EXOC6: variants seen among roughly 807,000 people sequenced by gnomAD.
The protein encoded by EXOC6 is exocyst complex component 6.
Under a neutral mutation model 112.5 loss-of-function variants are expected in EXOC6, and 60 were observed. The observed-to-expected ratio is 0.53, with a 90% confidence interval of 0.43 to 0.66. The LOEUF (loss-of-function observed/expected upper bound fraction) is 0.66. Ranked by LOEUF, EXOC6 falls within the 30% of genes least tolerant of loss-of-function variation. The probability of loss-of-function intolerance (pLI) is 0.00; values close to 1 mark genes in which losing one functional copy is unlikely to be tolerated. For synonymous variants in EXOC6, 295 were observed against 308.0 expected, an observed-to-expected ratio of 0.96 and a Z score of 0.44; for missense variants, 855 against 957.1, an observed-to-expected ratio of 0.89 and a Z score of 1.41.
At position 92,909,408 on chromosome 10, in the gene EXOC6, CT is replaced by C; in HGVS notation, c.459-13del. The C allele has an allele frequency of 6.5e-7, 1 of 1,543,660 alleles. No homozygotes were observed. The highest frequency in any genetic ancestry group is 8.8e-7 in the Non-Finnish European group (1 of 1,141,766). Reference sequence around the variant, plus strand: ...TGATAAGAACTTTTTATAGAGTTTTCTTTTTTAACTTCTCACAGGTACTATT... The same window carrying C: ...TGATAAGAACTTTTTATAGAGTTTTCTTTTTAACTTCTCACAGGTACTATT... On this transcript the variant is annotated intron_variant, in intron 5 of 21. Coordinates refer to ENST00000260762, the MANE Select transcript of EXOC6 (RefSeq NM_019053.6).
intron 1 of EXOC6, among the ~76,000 whole-genome samples, chr10:92,867,655 G>T (rs963252683): frequency 2.0e-5 from 3 of 152,094 alleles, no homozygotes; most frequent in African/African-American, 7.2e-5. Flanking sequence ...AATGTAAAAT[G>T]AATATGTGCC....
chr10:93,044,231 C>T (rs377368817), intron 20 of EXOC6, among the ~76,000 whole-genome samples: 1 of 152,046 alleles, frequency 6.6e-6, no homozygotes. Context: ...AATTATTATA[C>T]GTGACAAAAG....
At position 92,977,033 on chromosome 10, in the gene EXOC6, A is replaced by G. The variant is rs190626241; in HGVS notation, c.1953+2801A>G. On this transcript the variant is annotated intron_variant, in intron 18 of 21. Transcript: ENST00000260762. ...AAAAAAATAGGAAGAAATTTTATCA[A>G]CCTTTTTATCTTATGATACGATATA... is the stretch of plus-strand genomic sequence containing the variant. Among the ~76,000 whole-genome samples the G allele has an allele frequency of 2.5e-3, 384 of 152,314 alleles. 2 individuals carry two copies. The highest frequency in any genetic ancestry group is 7.4e-3 in the African/African-American group (309 of 41,570).
intron 19 of EXOC6, among the ~76,000 whole-genome samples, chr10:93,010,899 G>A (rs989902845): frequency 1.3e-4 from 20 of 151,982 alleles, no homozygotes; most frequent in African/African-American, 4.4e-4. Context: ...AGTATAAAGT[G>A]CTATATAAAT....
intron 6 of EXOC6, among the ~76,000 whole-genome samples, chr10:92,915,477 A>G (rs1851027651): frequency 6.7e-6 from 1 of 148,764 alleles, no homozygotes; most frequent in Admixed American, 6.9e-5. Flanking sequence ...CTGAGGTAGG[A>G]GGATCACTGC....
chr10:92,980,476 T>C (rs892626403), intron 18 of EXOC6, among the ~76,000 whole-genome samples: 2 of 152,234 alleles, frequency 1.3e-5, no homozygotes, highest in East Asian at 3.8e-4. Flanking sequence ...TTAGTTTCAT[T>C]GTGTAATGAA....
At chr10:92,837,168 C>A (rs1250984191) in intron 1 of EXOC6, among the ~76,000 whole-genome samples, 5 of 151,136 alleles carry the variant, frequency 3.3e-5, no homozygotes, top group South Asian at 2.1e-4. Flanking sequence ...TTCTTTGAAG[C>A]CTCTCCTATC....
intron 1 of EXOC6, among the ~76,000 whole-genome samples, chr10:92,851,563 T>G (rs1434416757): frequency 1.3e-5 from 2 of 151,836 alleles, no homozygotes; most frequent in African/African-American, 4.8e-5. Context: ...GGCAGGAGAA[T>G]CGCTTGAATC....
At chr10:92,914,193 T>C (rs1281206468) in intron 6 of EXOC6, among the ~76,000 whole-genome samples, 4 of 152,132 alleles carry the variant, frequency 2.6e-5, no homozygotes, top group Non-Finnish European at 4.4e-5. Flanking sequence ...GCAAACTCTA[T>C]TGTGAACTGT....
intron 20 of EXOC6, among the ~76,000 whole-genome samples, chr10:93,055,369 A>G (rs1421327910): frequency 6.6e-6 from 1 of 152,250 alleles, no homozygotes; most frequent in Non-Finnish European, 1.5e-5. Context: ...TTTTGATAAC[A>G]CAAATAACAT....
chr10:92,985,482 C>G (rs1842967978), intron 18 of EXOC6, among the ~76,000 whole-genome samples: 1 of 152,014 alleles, frequency 6.6e-6, no homozygotes, highest in South Asian at 2.1e-4. Context: ...ACATTTTATT[C>G]TTTTTTGAAG....
chr10:92,845,602 ACCC>A (rs1220724648), upstream of EXOC6, among the ~76,000 whole-genome samples: 1 of 149,684 alleles, frequency 6.7e-6, no homozygotes, highest in Non-Finnish European at 1.5e-5. Flanking sequence ...GGCTTCCCCC[ACCC>A]CACATTGACA....
intron 20 of EXOC6, among the ~76,000 whole-genome samples, chr10:93,028,522 T>TAGAGGTCTG (rs1245286730): frequency 6.6e-6 from 1 of 152,028 alleles, no homozygotes; most frequent in Admixed American, 6.5e-5. Context: ...CTACCCCTGG[T>TAGAGGTCTG]GAAGAGGCTG....
chr10:92,926,538 A>T (rs951759454), intron 8 of EXOC6, among the ~76,000 whole-genome samples: 1 of 151,748 alleles, frequency 6.6e-6, no homozygotes, highest in African/African-American at 2.4e-5. Context: ...TAAAAAAAAA[A>T]AGAAAGAAAA....
intron 2 of EXOC6, 90 bp from the exon 3 acceptor site, chr10:92,894,704 A>AT: frequency 1.0e-6 from 1 of 983,256 alleles, no homozygotes; most frequent in South Asian, 1.5e-5. Flanking sequence ...TAAGTTTCTC[A>AT]TGAAGCATGA....
At chr10:92,872,820 G>A (rs969209887) in intron 1 of EXOC6, among the ~76,000 whole-genome samples, 5 of 152,084 alleles carry the variant, frequency 3.3e-5, no homozygotes, top group African/African-American at 7.2e-5. Flanking sequence ...TGATTGAGTA[G>A]TATTCTTTTT....
chr10:92,910,883 C>T lies in EXOC6; in HGVS notation c.663+1252C>T, dbSNP rs1036416810. Among the ~76,000 whole-genome samples, 11 of 79,682 alleles carry T rather than the reference C, an allele frequency of 1.4e-4. No individual in the cohort carries two copies. The South Asian group carries it at 2.5e-3, about 18-fold the overall frequency. 52.3% of individuals were successfully genotyped at this position (79,682 alleles called of 152,430 possible). On this transcript the variant is annotated intron_variant, in intron 6 of 21. Transcript: ENST00000260762. ...AGCGGAGCTTGTAGCGAGCCAAGAT[C>T]GCGCCACTGCACTCCAGCCTGGGTG...
intron 12 of EXOC6, among the ~76,000 whole-genome samples, chr10:92,940,391 C>T (rs1280990076): frequency 1.3e-5 from 2 of 152,098 alleles, no homozygotes; most frequent in East Asian, 3.9e-4. Context: ...TCCTTGGGCA[C>T]CACTTCCCAA....
intron 1 of EXOC6, among the ~76,000 whole-genome samples, chr10:92,881,782 G>GCA (rs1368966857): frequency 1.8e-4 from 27 of 151,912 alleles, no homozygotes; most frequent in Non-Finnish European, 3.4e-4. Flanking sequence ...AATCATGGGG[G>GCA]TGGTTTCTCC....
Sources: allele counts gnomAD v4.1 joint callset (sites outside exome capture counted in the v4.1 genomes callset), GRCh38; gene constraint gnomAD v4.1.1; transcripts MANE v1.5; gene names NCBI Gene and HGNC (gene_info 2026-07-23, HGNC 2026-07-21).